Variants in PPME1 observed in about 807,000 individuals in gnomAD.
PPME1 encodes testicular secretory protein Li 39.
PPME1 carries 17 observed loss-of-function variants against 56.9 expected under a neutral mutation model. That is an observed-to-expected ratio of 0.30 (90% CI 0.20 to 0.45). The LOEUF (loss-of-function observed/expected upper bound fraction) is 0.45, where lower values mean the gene tolerates loss of function less well. Ranked by LOEUF, PPME1 falls within the 20% of genes least tolerant of loss-of-function variation. The pLI is 1.00. For missense variants in PPME1, 357 were observed against 483.2 expected, an observed-to-expected ratio of 0.74 and a Z score of 2.45; for synonymous variants, 122 against 156.2, an observed-to-expected ratio of 0.78 and a Z score of 1.63.
intron 1 of PPME1, among the ~76,000 whole-genome samples, chr11:74,191,555 C>A (rs1857838131): frequency 6.6e-6 from 1 of 152,146 alleles, no homozygotes; most frequent in African/African-American, 2.4e-5. Context: ...TTGGGAAGGT[C>A]CCTCTCATCA....
rs192816942 is a variant in PPME1, at chr11:74,195,599, C to T, written c.102-8129C>T. ...ATATGTGTGTTTTGATGCCTATGTG[C>T]AGGAGGTTCTCTGTAAAGTAAAATT... On this transcript the variant is annotated intron_variant, in intron 1 of 13. Transcript: ENST00000328257. 1.8e-3 allele frequency among the ~76,000 whole-genome samples: 270 copies of T among 152,234 alleles called. 10 individuals carry two copies. The highest frequency in any genetic ancestry group is 1.2e-3 in the Non-Finnish European group (85 of 68,004).
chr11:74,232,636 G>A, intron 7 of PPME1, among the ~76,000 whole-genome samples: 1 of 151,860 alleles, frequency 6.6e-6, no homozygotes, highest in Non-Finnish European at 1.5e-5. Flanking sequence ...TTCTAGACTT[G>A]GCTCAGTTGT....
chr11:74,242,872 C>CT (rs1242317528), intron 9 of PPME1, among the ~76,000 whole-genome samples: 3 of 96,104 alleles, frequency 3.1e-5, no homozygotes, highest in African/African-American at 1.3e-4. Context: ...GAGTGAGACT[C>CT]TGTCTCAAAA....
intron 3 of PPME1, among the ~76,000 whole-genome samples, chr11:74,212,795 T>G (rs1858514720): frequency 6.6e-6 from 1 of 152,052 alleles, no homozygotes; most frequent in Admixed American, 6.5e-5. Context: ...CTGGCAGGAT[T>G]CATCCCCTGC....
intron 9 of PPME1, chr11:74,243,630 G>A (rs190213060): frequency 7.9e-5 from 12 of 152,184 alleles, no homozygotes; most frequent in African/African-American, 2.9e-4. Flanking sequence ...TGAATCATAA[G>A]GTACCTTTGT....
intron 1 of PPME1, among the ~76,000 whole-genome samples, chr11:74,189,976 A>G (rs1282442910): frequency 1.3e-5 from 2 of 152,266 alleles, no homozygotes; most frequent in Non-Finnish European, 2.9e-5. Flanking sequence ...CAGGTTAAAC[A>G]TTCCTAATCT....
intron 5 of PPME1, 65 bp downstream of exon 5, chr11:74,225,321 C>T (rs1019189469): frequency 3.5e-6 from 4 of 1,153,280 alleles, no homozygotes; most frequent in Non-Finnish European, 3.6e-6. Flanking sequence ...AGTACTATAA[C>T]TTTATCACTT....
At chr11:74,208,612 C>A (rs1290911496) in intron 3 of PPME1, among the ~76,000 whole-genome samples, 1 of 152,118 alleles carries the variant, frequency 6.6e-6, no homozygotes, top group Non-Finnish European at 1.5e-5. Flanking sequence ...GGGTATAATA[C>A]CTCCTAGTTA....
At chr11:74,200,060 T>C (rs1316405284) in intron 1 of PPME1, among the ~76,000 whole-genome samples, 8 of 152,254 alleles carry the variant, frequency 5.3e-5, no homozygotes, top group African/African-American at 1.9e-4. Context: ...GAAAGTTCTT[T>C]CACTACTTTA....
At chr11:74,174,173 T>C (rs1857352858) in intron 1 of PPME1, among the ~76,000 whole-genome samples, 1 of 152,180 alleles carries the variant, frequency 6.6e-6, no homozygotes, top group Non-Finnish European at 1.5e-5. Context: ...CAGAGAGTTC[T>C]GTATTCTATA....
intron 7 of PPME1, 57 bp from the exon 8 acceptor site, chr11:74,235,844 T>C: frequency 6.4e-7 from 1 of 1,564,940 alleles, no homozygotes; most frequent in Admixed American, 1.9e-5. Context: ...TTGATTCCAA[T>C]GATGTGATAC....
chr11:74,173,629 C>T (rs1256969845), intron 1 of PPME1, among the ~76,000 whole-genome samples: 2 of 152,174 alleles, frequency 1.3e-5, no homozygotes. Flanking sequence ...GCAACTTCCA[C>T]CTCCCGGGCT....
intron 9 of PPME1, among the ~76,000 whole-genome samples, chr11:74,240,278 G>A (rs1480025331): frequency 6.6e-6 from 1 of 152,092 alleles, no homozygotes; most frequent in Non-Finnish European, 1.5e-5. Flanking sequence ...GTTGACTCAT[G>A]TTGTCCTCTG....
intron 1 of PPME1, among the ~76,000 whole-genome samples, chr11:74,181,166 T>C (rs1857525655): frequency 6.7e-6 from 1 of 149,884 alleles, no homozygotes; most frequent in Non-Finnish European, 1.5e-5. Flanking sequence ...TGCCTCAGCC[T>C]CCCGAGTAGC....
intron 1 of PPME1, among the ~76,000 whole-genome samples, chr11:74,192,731 AGT>A (rs939636877): frequency 6.6e-6 from 1 of 152,080 alleles, no homozygotes; most frequent in Non-Finnish European, 1.5e-5. Context: ...GTTTAAAAAG[AGT>A]GTGGCACCTC....
At chr11:74,178,015 T>C (rs973693845) in intron 1 of PPME1, among the ~76,000 whole-genome samples, 1 of 152,250 alleles carries the variant, frequency 6.6e-6, no homozygotes, top group African/African-American at 2.4e-5. Flanking sequence ...TCTAATTTGC[T>C]GTTATCAGTT....
intron 13 of PPME1, 69 bp downstream of exon 13, chr11:74,251,784 A>T: frequency 6.3e-7 from 1 of 1,575,660 alleles, no homozygotes; most frequent in Admixed American, 1.7e-5. Flanking sequence ...CACTTGTAGG[A>T]CTGTAAATAT....
At chr11:74,215,705 G>C (rs143337706) in intron 3 of PPME1, among the ~76,000 whole-genome samples, 41 of 152,206 alleles carry the variant, frequency 2.7e-4, no homozygotes, top group African/African-American at 7.5e-4. Flanking sequence ...ATCAAAAGAC[G>C]TGGAGTGGCT....
At chr11:74,252,177 A>G (rs1194923893) in intron 13 of PPME1, among the ~76,000 whole-genome samples, 1 of 135,316 alleles carries the variant, frequency 7.4e-6, no homozygotes, top group African/African-American at 2.9e-5. Flanking sequence ...CAAGTGATCC[A>G]GTGCCTCAGT....
Sources: allele counts gnomAD v4.1 joint callset (sites outside exome capture counted in the v4.1 genomes callset), GRCh38; gene constraint gnomAD v4.1.1; transcripts MANE v1.5; gene names NCBI Gene and HGNC (gene_info 2026-07-23, HGNC 2026-07-21).